ANKRD11: variants seen among roughly 807,000 people sequenced by gnomAD.
The protein encoded by ANKRD11 is ankyrin repeat domain 11.
ANKRD11 carries 17 observed loss-of-function variants against 195.7 expected under a neutral mutation model. The ratio of observed to expected loss-of-function variants is 0.09; its 90% CI spans 0.06 to 0.13. ANKRD11 has a LOEUF of 0.13. ANKRD11 is among the 10% of genes least tolerant of loss of function. The pLI is 1.00. For missense variants in ANKRD11, 3,735 were observed against 3,566.1 expected, an observed-to-expected ratio of 1.05 and a Z score of -1.21; for synonymous variants, 1,953 against 1,528.1, an observed-to-expected ratio of 1.28 and a Z score of -6.49.
At chr16:89,419,694 C>A (rs1054078820) in intron 1 of ANKRD11, among the ~76,000 whole-genome samples, 3 of 152,174 alleles carry the variant, frequency 2.0e-5, no homozygotes, top group African/African-American at 4.8e-5. Flanking sequence ...GTGCAGGGTT[C>A]CCCGGCTCTG....
At chr16:89,398,278 G>A (rs1053147431) in intron 2 of ANKRD11, among the ~76,000 whole-genome samples, 1 of 151,382 alleles carries the variant, frequency 6.6e-6, no homozygotes, top group Admixed American at 6.6e-5. Context: ...AAGATTACCT[G>A]TGACCTCAGC....
In ANKRD11 at chr16:89,485,972, TA is replaced by T. The variant is rs753843697; in HGVS notation, c.-145+4272del. Among the ~76,000 whole-genome samples, 64 of 152,278 alleles carry T rather than the reference TA, an allele frequency of 4.2e-4. 1 individual carries two copies. The highest frequency in any genetic ancestry group is 9.2e-4 in the Admixed American group (14 of 15,290). On this transcript the variant is annotated intron_variant, in intron 1 of 12. Coordinates refer to ENST00000301030, the MANE Select transcript of ANKRD11 (RefSeq NM_013275.6). ...GATGGAAACGATGAGGAAATCTGAATAAAAACTGCTTCTGGCCCTTCTACTC... is the reference window on the plus strand; with the variant it reads ...GATGGAAACGATGAGGAAATCTGAATAAAACTGCTTCTGGCCCTTCTACTC...
intron 3 of ANKRD11, among the ~76,000 whole-genome samples, chr16:89,308,427 C>T (rs2036420475): frequency 6.6e-6 from 1 of 152,182 alleles, no homozygotes; most frequent in Non-Finnish European, 1.5e-5. Flanking sequence ...CCCAGGTCCA[C>T]GGTCAAGGCA....
In ANKRD11 at chr16:89,282,971, C is replaced by G. The variant is rs753250848; in HGVS notation, c.3571G>C (p.Ala1191Pro). 2.4e-5 allele frequency: 38 copies of G among 1,613,558 alleles called. No homozygotes were observed. Among genetic ancestry groups the G allele is most frequent in the Non-Finnish European group, 3.1e-5 (36 of 1,180,040 alleles). Residue 1191 changes from alanine (A) to proline (P), a missense_variant, in exon 9 of 13, where the codon GCC becomes CCC. Physicochemically the swap from Ala to Pro is conservative, Grantham distance 27. Coordinates refer to ENST00000301030, the MANE Select transcript of ANKRD11 (RefSeq NM_013275.6). The part of the protein sequence containing the change: ...PRDRRKDRGA[A>P]DAGRDKKEKV... Reference sequence around the variant, plus strand: ...TCTTTTTTGTCTCTCCCCGCGTCGGCAGCCCCTCGGTCCTTTCTCCTGTCT... The same window carrying G: ...TCTTTTTTGTCTCTCCCCGCGTCGGGAGCCCCTCGGTCCTTTCTCCTGTCT...
rs1165680827 is a variant in ANKRD11, at chr16:89,337,429, C to CTTTTTTTTTTTTTTTTTTT, written c.-59-20370_-59-20352dup. ...ATACATGAACATGGTCTAAGCAATT[C>CTTTTTTTTTTTTTTTTTTT]TTTTTTTTTTTTTTTTTTTTTTTTT... On this transcript the variant is annotated intron_variant, in intron 2 of 12. Transcript: ENST00000301030. Among the ~76,000 whole-genome samples, 5 of 53,134 alleles carry CTTTTTTTTTTTTTTTTTTT rather than the reference C, an allele frequency of 9.4e-5. 2 individuals are homozygous for CTTTTTTTTTTTTTTTTTTT. Among genetic ancestry groups the CTTTTTTTTTTTTTTTTTTT allele is most frequent in the Non-Finnish European group, 1.6e-4 (5 of 31,398 alleles). The allele number at this position is 53,134 out of a possible 152,430, so 34.9% of individuals were successfully genotyped here.
chr16:89,292,320 C>G (rs1051035940), intron 4 of ANKRD11, among the ~76,000 whole-genome samples: 1 of 152,174 alleles, frequency 6.6e-6, no homozygotes, highest in African/African-American at 2.4e-5. Context: ...TAACAACGGA[C>G]TAACTGGATC....
intron 2 of ANKRD11, among the ~76,000 whole-genome samples, chr16:89,383,303 C>A (rs1018782118): frequency 6.6e-6 from 1 of 152,208 alleles, no homozygotes; most frequent in African/African-American, 2.4e-5. Context: ...CCAGGGAACC[C>A]CTCCTAGCCA....
chr16:89,447,554 G>A (rs1404032663), intron 1 of ANKRD11, among the ~76,000 whole-genome samples: 1 of 152,044 alleles, frequency 6.6e-6, no homozygotes, highest in Non-Finnish European at 1.5e-5. Context: ...CACACTCCCT[G>A]CTGTGGTCCA....
chr16:89,442,227 G>C (rs1479822755), intron 1 of ANKRD11, among the ~76,000 whole-genome samples: 1 of 152,222 alleles, frequency 6.6e-6, no homozygotes, highest in Non-Finnish European at 1.5e-5. Flanking sequence ...CAGTGCTTTG[G>C]AGAACATGCC....
At chr16:89,424,313 T>A (rs1357390216) in intron 1 of ANKRD11, among the ~76,000 whole-genome samples, 1 of 151,958 alleles carries the variant, frequency 6.6e-6, no homozygotes, top group East Asian at 1.9e-4. Context: ...TGGTGGCGCA[T>A]GCCTGTAATC....
At chr16:89,343,318 C>T (rs2038783269) in intron 2 of ANKRD11, among the ~76,000 whole-genome samples, 1 of 152,200 alleles carries the variant, frequency 6.6e-6, no homozygotes, top group Non-Finnish European at 1.5e-5. Context: ...AAAAGCAATA[C>T]CTGTGTTCCC....
chr16:89,353,350 A>AAGAGAGAGAGAGAG (rs112221236), intron 2 of ANKRD11, among the ~76,000 whole-genome samples: 1 of 149,460 alleles, frequency 6.7e-6, no homozygotes, highest in Non-Finnish European at 1.5e-5. Flanking sequence ...TCCAAAAAAA[A>AAGAGAGAGAGAGAG]AGAGAGAGAG....
At position 89,284,468 on chromosome 16, in the gene ANKRD11, C is replaced by T. The variant is rs149939914; in HGVS notation, c.2074G>A (p.Asp692Asn). Residue 692 changes from aspartate (D) to asparagine (N), a missense_variant, in exon 9 of 13, where the codon GAC becomes AAC. Coordinates refer to ENST00000301030, the MANE Select transcript of ANKRD11 (RefSeq NM_013275.6). The stretch of plus-strand genomic sequence containing the variant: ...AGTTTCTCTTCTTTTTTAAAGTGGT[C>T]GCGATCGTGCTTTAACACTTTTAGC... ...NKLKVLKHDR[D>N]HFKKEEKLSK... The T allele has an allele frequency of 5.6e-6, 9 of 1,613,940 alleles. No homozygotes were observed. The highest frequency in any genetic ancestry group is 5.0e-5 in the Admixed American group (3 of 59,994).
In ANKRD11 at chr16:89,411,805, G is replaced by A. The variant is rs186940636; in HGVS notation, c.-60+6479C>T. Among the ~76,000 whole-genome samples, 13 of 152,192 alleles carry A rather than the reference G, an allele frequency of 8.5e-5. No homozygotes were observed. The East Asian group carries it at 2.5e-3, about 29-fold the overall frequency. ...AATTAAGATCCTTATTCTAGAGTGG[G>A]GAAAAAAAGAGACTAGAATTCTCAG... On this transcript the variant is annotated intron_variant, in intron 2 of 12. Transcript: ENST00000301030.
At chr16:89,296,781 A>C (rs2035465219) in intron 4 of ANKRD11, among the ~76,000 whole-genome samples, 1 of 152,186 alleles carries the variant, frequency 6.6e-6, no homozygotes, top group African/African-American at 2.4e-5. Flanking sequence ...CTCTCCAGGG[A>C]GGGTTTGCTT....
At chr16:89,437,438 C>T (rs62068642) in intron 1 of ANKRD11, among the ~76,000 whole-genome samples, 318 of 152,150 alleles carry the variant, frequency 2.1e-3, no homozygotes, top group Non-Finnish European at 3.6e-3. Flanking sequence ...CCCCTACTTC[C>T]TCTCTCCTCA....
intron 1 of ANKRD11, among the ~76,000 whole-genome samples, chr16:89,457,542 G>C (rs957623672): frequency 2.0e-5 from 3 of 148,038 alleles, no homozygotes; most frequent in African/African-American, 7.5e-5. Flanking sequence ...AGGCTGCAGT[G>C]AGCTGAGATC....
At chr16:89,478,700 C>T (rs757051764) in intron 1 of ANKRD11, among the ~76,000 whole-genome samples, 1 of 152,230 alleles carries the variant, frequency 6.6e-6, no homozygotes, top group African/African-American at 2.4e-5. Flanking sequence ...ATCACCTGCA[C>T]CACTAAAGCG....
intron 2 of ANKRD11, among the ~76,000 whole-genome samples, chr16:89,397,754 C>A (rs2041508282): frequency 6.6e-6 from 1 of 152,238 alleles, no homozygotes; most frequent in Admixed American, 6.5e-5. Flanking sequence ...CTCCTCTGAG[C>A]ATCTTCTGAT....
Sources: allele counts gnomAD v4.1 joint callset (sites outside exome capture counted in the v4.1 genomes callset), GRCh38; gene constraint gnomAD v4.1.1; transcripts MANE v1.5; gene names NCBI Gene and HGNC (gene_info 2026-07-23, HGNC 2026-07-21).